The following CNTNAP4 variants were observed in gnomAD, a reference collection of about 807,000 sequenced individuals.
The protein encoded by CNTNAP4 is contactin associated protein family member 4.
A neutral mutation model predicts 148.4 loss-of-function variants in CNTNAP4; 98 were observed. The observed-to-expected ratio is 0.66, with a 90% confidence interval of 0.56 to 0.78. The LOEUF (loss-of-function observed/expected upper bound fraction) is 0.78. Among genes scored for constraint, CNTNAP4 ranks in the 30% least tolerant of loss-of-function variants. CNTNAP4 has a pLI of 0.00. For missense variants in CNTNAP4, 1,935 were observed against 1,565.6 expected, an observed-to-expected ratio of 1.24 and a Z score of -3.98; for synonymous variants, 730 against 565.1, an observed-to-expected ratio of 1.29 and a Z score of -4.14.
At chr16:76,502,772 T>C (rs1166450796) in intron 15 of CNTNAP4, among the ~76,000 whole-genome samples, 1 of 152,064 alleles carries the variant, frequency 6.6e-6, no homozygotes, top group Non-Finnish European at 1.5e-5. Context: ...GCCATTAGTG[T>C]CATTCATTGA....
intron 4 of CNTNAP4, among the ~76,000 whole-genome samples, chr16:76,442,268 T>C (rs942371292): frequency 4.6e-5 from 7 of 152,086 alleles, no homozygotes; most frequent in African/African-American, 1.2e-4. Context: ...AAGAAATGAA[T>C]TATTTTTTAG....
At chr16:76,315,006 C>G (rs755981504) in intron 1 of CNTNAP4, among the ~76,000 whole-genome samples, 8 of 152,108 alleles carry the variant, frequency 5.3e-5, no homozygotes, top group South Asian at 2.1e-4. Context: ...CAACATATTA[C>G]ATATTATTTT....
At chr16:76,373,768 G>A (rs557280401) in intron 3 of CNTNAP4, among the ~76,000 whole-genome samples, 6 of 151,882 alleles carry the variant, frequency 4.0e-5, no homozygotes, top group South Asian at 2.1e-4. Context: ...GGTGGCAGGC[G>A]CCTGTAATCC....
intron 17 of CNTNAP4, among the ~76,000 whole-genome samples, chr16:76,532,318 A>G (rs1003866617): frequency 6.6e-6 from 1 of 152,186 alleles, no homozygotes; most frequent in Non-Finnish European, 1.5e-5. Flanking sequence ...CTCTGCCTCT[A>G]ACGAAATGTG....
chr16:76,285,200 A>G (rs1050439318), intron 1 of CNTNAP4, among the ~76,000 whole-genome samples: 1 of 151,956 alleles, frequency 6.6e-6, no homozygotes, highest in Non-Finnish European at 1.5e-5. Context: ...ATTATGGTTC[A>G]TGGAAAAGTG....
chr16:76,425,257 T>C (rs958494318), intron 3 of CNTNAP4, among the ~76,000 whole-genome samples: 7 of 152,312 alleles, frequency 4.6e-5, no homozygotes, highest in Non-Finnish European at 5.9e-5. Flanking sequence ...TGAGATGCGC[T>C]AGGTAAGTGT....
At chr16:76,436,896 G>C (rs1406563729) in intron 4 of CNTNAP4, among the ~76,000 whole-genome samples, 1 of 151,974 alleles carries the variant, frequency 6.6e-6, no homozygotes, top group Non-Finnish European at 1.5e-5. Context: ...TTAATATTCT[G>C]TTCCTGTAGA....
chr16:76,394,915 A>T (rs2078143372), intron 3 of CNTNAP4, among the ~76,000 whole-genome samples: 1 of 152,126 alleles, frequency 6.6e-6, no homozygotes, highest in African/African-American at 2.4e-5. Flanking sequence ...GGTCCTGTTT[A>T]CTTAGGGCTC....
intron 8 of CNTNAP4, among the ~76,000 whole-genome samples, chr16:76,455,417 A>G (rs1454561349): frequency 2.0e-5 from 3 of 152,116 alleles, no homozygotes; most frequent in African/African-American, 7.2e-5. Context: ...AGCATTCTCA[A>G]TTCTTGTGCC....
chr16:76,358,818 C>G (rs1363153636), intron 3 of CNTNAP4, among the ~76,000 whole-genome samples: 2 of 151,886 alleles, frequency 1.3e-5, no homozygotes, highest in African/African-American at 2.4e-5. Context: ...TAAAACAACC[C>G]CAAGTCTCTG....
At chr16:76,440,143 C>A (rs530572888) in intron 4 of CNTNAP4, among the ~76,000 whole-genome samples, 8 of 152,074 alleles carry the variant, frequency 5.3e-5, no homozygotes, top group Non-Finnish European at 7.4e-5. Context: ...GTCTATACCC[C>A]TTTCCAGTTG....
At chr16:76,442,006 G>C (rs2143031375) in intron 4 of CNTNAP4, among the ~76,000 whole-genome samples, 1 of 152,268 alleles carries the variant, frequency 6.6e-6, no homozygotes, top group Middle Eastern at 3.4e-3. Flanking sequence ...CTTAGTCCCT[G>C]AAACCTGTAA....
chr16:76,279,901 T>C (rs1464475789), intron 1 of CNTNAP4, among the ~76,000 whole-genome samples: 1 of 152,304 alleles, frequency 6.6e-6, no homozygotes, highest in East Asian at 1.9e-4. Context: ...TACCAAGCCA[T>C]GGTGGAAAGT....
intron 2 of CNTNAP4, among the ~76,000 whole-genome samples, chr16:76,349,602 G>A (rs905885285): frequency 3.9e-5 from 6 of 152,048 alleles, no homozygotes. Flanking sequence ...AAAATGATCT[G>A]GGCAAACTTG....
Position 76,540,809 on chromosome 16 carries a change from C to G in CNTNAP4, c.3442+19C>G. 1 of 1,507,986 alleles carries G rather than the reference C, an allele frequency of 6.6e-7. No homozygotes were observed. Among genetic ancestry groups the G allele is most frequent in the Non-Finnish European group, 9.0e-7 (1 of 1,107,788 alleles). The allele number at this position is 1,507,986 out of a possible 1,614,324, so 93.4% of individuals were successfully genotyped here. ...ATTTTAGGTAAGTGAAAGAAACAAC[C>G]TTTCCCCTAACCATGCTAATCATGA... On this transcript the variant is annotated intron_variant, in intron 21 of 23. Coordinates refer to ENST00000611870, the MANE Select transcript of CNTNAP4 (RefSeq NM_033401.5).
intron 3 of CNTNAP4, among the ~76,000 whole-genome samples, chr16:76,404,202 A>C (rs1283714739): frequency 6.6e-6 from 1 of 152,178 alleles, no homozygotes; most frequent in Non-Finnish European, 1.5e-5. Context: ...AGTAAAGTAA[A>C]TGTTGTATAA....
At chr16:76,532,945 A>G (rs977586449) in intron 17 of CNTNAP4, among the ~76,000 whole-genome samples, 4 of 152,182 alleles carry the variant, frequency 2.6e-5, no homozygotes, top group African/African-American at 9.7e-5. Flanking sequence ...TCAAAAAACT[A>G]CAAATAGAAC....
chr16:76,432,306 A>G (rs1401471191), intron 4 of CNTNAP4, among the ~76,000 whole-genome samples: 1 of 152,176 alleles, frequency 6.6e-6, no homozygotes, highest in Non-Finnish European at 1.5e-5. Flanking sequence ...TACCCCAACA[A>G]GTTAGGGCAG....
At chr16:76,384,595 A>G (rs2016327361) in intron 3 of CNTNAP4, among the ~76,000 whole-genome samples, 1 of 152,022 alleles carries the variant, frequency 6.6e-6, no homozygotes, top group Non-Finnish European at 1.5e-5. Flanking sequence ...AGAGGCACTG[A>G]TGAGTTGATT....
Sources: allele counts gnomAD v4.1 joint callset (sites outside exome capture counted in the v4.1 genomes callset), GRCh38; gene constraint gnomAD v4.1.1; transcripts MANE v1.5; gene names NCBI Gene and HGNC (gene_info 2026-07-23, HGNC 2026-07-21).